Variants in FBXO34 observed in about 807,000 individuals in gnomAD.
FBXO34 encodes the protein F-box protein 34, also known as F-box only protein 34.
A neutral mutation model predicts 24.5 loss-of-function variants in FBXO34; 12 were observed. The ratio of observed to expected loss-of-function variants is 0.49; its 90% CI spans 0.31 to 0.79. The LOEUF (loss-of-function observed/expected upper bound fraction) is 0.79. Among genes scored for constraint, FBXO34 ranks in the 30% least tolerant of loss-of-function variants. The probability of loss-of-function intolerance (pLI) is 0.04; values close to 1 mark genes in which losing one functional copy is unlikely to be tolerated. For synonymous variants in FBXO34, 320 were observed against 311.9 expected (o/e 1.03, Z -0.27); for missense variants, 823 against 857.7 (o/e 0.96, Z 0.51).
chr14:55,384,710 C>T, the FBXO34 span, among the ~76,000 whole-genome samples: 2 of 152,202 alleles, frequency 1.3e-5, no homozygotes, highest in Non-Finnish European at 2.9e-5. Flanking sequence ...AGTTATGAAA[C>T]TAGCAATAGT....
At chr14:55,287,975 T>C (rs374247684) in intron 1 of FBXO34, among the ~76,000 whole-genome samples, 1 of 152,354 alleles carries the variant, frequency 6.6e-6, no homozygotes, top group South Asian at 2.1e-4. Context: ...TGAGGTTGGG[T>C]GTGGAATTTT....
intron 1 of FBXO34, chr14:55,325,984 A>G (rs1883330052): frequency 2.6e-5 from 4 of 152,212 alleles, no homozygotes; most frequent in Admixed American, 2.6e-4. Flanking sequence ...CAAGGAGCCA[A>G]CTCATTCTTG....
At chr14:55,329,930 G>A (rs1001431393) in intron 1 of FBXO34, among the ~76,000 whole-genome samples, 27 of 151,828 alleles carry the variant, frequency 1.8e-4, no homozygotes, top group Non-Finnish European at 3.1e-4. Context: ...TGACTGGCCT[G>A]TTTTTTTGTT....
intron 1 of FBXO34, among the ~76,000 whole-genome samples, chr14:55,288,001 T>C (rs1881819619): frequency 6.6e-6 from 1 of 152,230 alleles, no homozygotes; most frequent in Non-Finnish European, 1.5e-5. Context: ...TGTGGCATCG[T>C]GTTGGAGCTC....
At position 55,350,719 on chromosome 14, in the gene FBXO34, T is replaced by C. The variant is rs145424940; in HGVS notation, c.329T>C (p.Val110Ala). Residue 110 changes from valine (V) to alanine (A), a missense_variant, in exon 2 of 2, where the codon GTT (valine) becomes GCT (alanine). Physicochemically the swap from Val to Ala is moderately conservative, Grantham distance 64. This residue lies in a region of FBXO34 where 693 missense variants were observed against 659.1 expected (regional missense o/e 1.05). Transcript: ENST00000313833. Reference protein sequence around the residue: ...EEEGPLDIWAVVKPGNTKEKI... With the variant: ...EEEGPLDIWAAVKPGNTKEKI... ...GAAGGACCACTTGATATCTGGGCTGTTGTGAAACCTGGAAATACCAAGGAA... is the reference window on the plus strand; with the variant it reads ...GAAGGACCACTTGATATCTGGGCTGCTGTGAAACCTGGAAATACCAAGGAA... 2 of 1,613,020 alleles carry C rather than the reference T, an allele frequency of 1.2e-6. No individual in the cohort carries two copies. Among genetic ancestry groups the C allele is most frequent in the Non-Finnish European group, 1.7e-6 (2 of 1,179,740 alleles).
At chr14:55,323,184 CAA>C (rs368380622) in intron 1 of FBXO34, among the ~76,000 whole-genome samples, 27 of 12,166 alleles carry the variant, frequency 2.2e-3, no homozygotes, top group African/African-American at 5.7e-3. Context: ...GACTCTGTCT[CAA>C]AAAAAAAAAA....
rs557693525 is a variant in FBXO34 at position 55,299,215 on chromosome 14, C to T, written c.-11+27678C>T. 16 of 927,678 alleles carry T rather than the reference C, an allele frequency of 1.7e-5. No homozygotes were observed. In the East Asian group the frequency reaches 2.6e-4, roughly 15 times the overall value. 57.5% of individuals were successfully genotyped at this position (927,678 alleles called of 1,614,324 possible). On this transcript the variant is annotated intron_variant, in intron 1 of 1. Transcript: ENST00000313833. ...CCCTCTATAGCCCTACCATCAAAAC[C>T]TGCCAAGAAGAGGAAGACGACGACA...
the FBXO34 span, among the ~76,000 whole-genome samples, chr14:55,402,359 A>G: frequency 1.4e-4 from 21 of 152,260 alleles, no homozygotes; most frequent in African/African-American, 4.8e-4. Context: ...TAGATTTCAA[A>G]TAAGCAATTG....
the FBXO34 span, chr14:55,424,389 C>T: frequency 3.5e-6 from 2 of 564,430 alleles, no homozygotes; most frequent in Non-Finnish European, 6.3e-6. Context: ...AACTTTTTAA[C>T]TATCTTGATG....
In FBXO34 at chr14:55,352,191, A is replaced by G. The variant is rs1295822709; in HGVS notation, c.1801A>G (p.Thr601Ala). Residue 601 changes from threonine to alanine, a missense_variant, in exon 2 of 2, where the codon ACC (threonine) becomes GCC (alanine). By Grantham distance (58) the Thr-to-Ala change is moderately conservative. Transcript: ENST00000313833. ...CAAGAGTTTAGTGGCCCTTAAATGT[A>G]CCTGCTGCTATTTCAAGTTTATCAT... Reference protein sequence around the residue: ...PTKSLVALKCTCCYFKFIIEY... With the variant: ...PTKSLVALKCACCYFKFIIEY... 1.2e-6 allele frequency: 2 copies of G among 1,614,040 alleles called. No homozygotes were observed. Among genetic ancestry groups the G allele is most frequent in the Non-Finnish European group, 1.7e-6 (2 of 1,180,010 alleles).
the FBXO34 span, chr14:55,436,937 C>T: frequency 6.2e-7 from 1 of 1,614,170 alleles, no homozygotes; most frequent in Non-Finnish European, 8.5e-7. Flanking sequence ...AATGCAGTAT[C>T]CGGATTGGAT....
chr14:55,369,593 A>AT (rs547191943), downstream of FBXO34: 7,586 of 1,466,982 alleles, frequency 5.2e-3, 25 homozygotes, highest in Middle Eastern at 6.0e-3. Flanking sequence ...CTTGATGCAG[A>AT]TTTGGTATGT....
At chr14:55,426,948 C>T in the FBXO34 span, among the ~76,000 whole-genome samples, 1 of 141,042 alleles carries the variant, frequency 7.1e-6, no homozygotes, top group Admixed American at 6.7e-5. Context: ...GAACCACACA[C>T]ATCATTTTCG....
chr14:55,436,550 T>TA, the FBXO34 span: 1 of 1,609,536 alleles, frequency 6.2e-7, no homozygotes, highest in Non-Finnish European at 8.5e-7. Flanking sequence ...AAAACAAAAA[T>TA]AAAAACTTAC....
At chr14:55,300,866 GT>G (rs1882329300) in intron 1 of FBXO34, among the ~76,000 whole-genome samples, 1 of 152,196 alleles carries the variant, frequency 6.6e-6, no homozygotes, top group Non-Finnish European at 1.5e-5. Flanking sequence ...TGAATGATGT[GT>G]TTTTATTAAG....
the FBXO34 span, among the ~76,000 whole-genome samples, chr14:55,410,037 C>A: frequency 6.6e-6 from 1 of 152,028 alleles, no homozygotes; most frequent in Non-Finnish European, 1.5e-5. Context: ...GTTGATGGGA[C>A]TAAACAGAGT....
the FBXO34 span, among the ~76,000 whole-genome samples, chr14:55,426,984 C>A: frequency 6.6e-6 from 1 of 152,176 alleles, no homozygotes; most frequent in African/African-American, 2.4e-5. Context: ...GAAGGGAATG[C>A]TAAGTCTAAT....
the FBXO34 span, chr14:55,390,920 T>C: frequency 4.4e-6 from 7 of 1,594,266 alleles, no homozygotes; most frequent in Admixed American, 1.0e-4. Flanking sequence ...CTTTTCTCCA[T>C]TTCTTCATTT....
At chr14:55,365,039 T>G (rs1594772491), downstream of FBXO34, among the ~76,000 whole-genome samples, 3 of 137,450 alleles carry the variant, frequency 2.2e-5, no homozygotes, top group African/African-American at 5.6e-5. Context: ...GCTAATGTGG[T>G]GAAACCCCAT....
Sources: gnomAD v4.1 joint callset for allele counts (sites outside exome capture counted in the v4.1 genomes callset) on GRCh38, gnomAD v4.1.1 for gene constraint, gnomAD v4.1.1 regional missense constraint, MANE v1.5 for transcripts, NCBI Gene and HGNC (gene_info 2026-07-23, HGNC 2026-07-21) for gene names.